Variants in RTN1 observed in about 807,000 individuals in gnomAD.
The protein encoded by RTN1 is reticulon 1.
A neutral mutation model predicts 65.5 loss-of-function variants in RTN1; 25 were observed. The ratio of observed to expected loss-of-function variants is 0.38; its 90% CI spans 0.28 to 0.53. The LOEUF is 0.53. Among genes scored for constraint, RTN1 ranks in the 20% least tolerant of loss-of-function variants. RTN1 has a pLI of 0.79. For missense variants in RTN1, 983 were observed against 1,025.4 expected (o/e 0.96, Z 0.57); for synonymous variants, 471 against 447.6 (o/e 1.05, Z -0.66).
At chr14:59,719,484 G>C (rs1327301204) in intron 3 of RTN1, among the ~76,000 whole-genome samples, 3 of 152,186 alleles carry the variant, frequency 2.0e-5, no homozygotes, top group Non-Finnish European at 1.5e-5. Flanking sequence ...TCTTCCACCA[G>C]AATGTAAGCC....
chr14:59,631,337 C>T (rs1206475915), intron 3 of RTN1, among the ~76,000 whole-genome samples: 2 of 152,144 alleles, frequency 1.3e-5, no homozygotes, highest in African/African-American at 4.8e-5. Context: ...GACTCTGGTA[C>T]GTGGAGTCAT....
intron 3 of RTN1, among the ~76,000 whole-genome samples, chr14:59,691,283 A>T (rs886361564): frequency 3.3e-5 from 5 of 152,208 alleles, no homozygotes; most frequent in African/African-American, 1.2e-4. Flanking sequence ...AATATAACAA[A>T]TCCTCAGAGA....
chr14:59,833,523 T>A (rs955574269), intron 1 of RTN1, among the ~76,000 whole-genome samples: 8 of 152,022 alleles, frequency 5.3e-5, no homozygotes, highest in Admixed American at 6.6e-5. Context: ...TTGAAAAAAA[T>A]TTTTTTTCTT....
chr14:59,624,376 A>G (rs1178297332), intron 3 of RTN1, among the ~76,000 whole-genome samples: 1 of 152,194 alleles, frequency 6.6e-6, no homozygotes, highest in Non-Finnish European at 1.5e-5. Context: ...ATGGCTTTTA[A>G]AGAATCATTA....
intron 1 of RTN1, among the ~76,000 whole-genome samples, chr14:59,763,602 G>A (rs1236870393): frequency 1.4e-5 from 2 of 146,302 alleles, no homozygotes; most frequent in East Asian, 2.0e-4. Flanking sequence ...GCACGATCTC[G>A]GCTCACTGCA....
At chr14:59,606,519 C>T (rs1438953150) in intron 4 of RTN1, among the ~76,000 whole-genome samples, 2 of 152,122 alleles carry the variant, frequency 1.3e-5, no homozygotes, top group Non-Finnish European at 2.9e-5. Context: ...AAAGTGAGGA[C>T]ACAGTGAGGA....
At position 59,617,965 on chromosome 14, in the gene RTN1, T is replaced by C. The variant is rs563909063; in HGVS notation, c.1766-10473A>G. On this transcript the variant is annotated intron_variant, in intron 3 of 8. Coordinates refer to ENST00000267484, the MANE Select transcript of RTN1 (RefSeq NM_021136.3). ...CATCTTCACAGCCTACTCCTTAAGA[T>C]TAAGGTGTTATAAAACCCAAGGGAA... Among the ~76,000 whole-genome samples the C allele has an allele frequency of 2.0e-5, 3 of 152,256 alleles. No individual in the cohort carries two copies. In the South Asian group the frequency reaches 6.2e-4, roughly 32 times the overall value.
intron 3 of RTN1, among the ~76,000 whole-genome samples, chr14:59,613,067 T>C (rs925296361): frequency 6.6e-6 from 1 of 152,250 alleles, no homozygotes; most frequent in Non-Finnish European, 1.5e-5. Flanking sequence ...TCTTGAATTT[T>C]CCTTTCTTTG....
chr14:59,813,081 CA>C (rs1317965529), intron 1 of RTN1, among the ~76,000 whole-genome samples: 1 of 152,116 alleles, frequency 6.6e-6, no homozygotes, highest in Non-Finnish European at 1.5e-5. Flanking sequence ...TAAACACATG[CA>C]CACTCTCCCT....
chr14:59,702,520 G>T (rs1411767327), intron 3 of RTN1, among the ~76,000 whole-genome samples: 1 of 152,046 alleles, frequency 6.6e-6, no homozygotes, highest in Non-Finnish European at 1.5e-5. Context: ...CATTCTCTAG[G>T]GCTGCTGAAA....
intron 3 of RTN1, among the ~76,000 whole-genome samples, chr14:59,618,094 T>C (rs2140173998): frequency 6.6e-6 from 1 of 152,374 alleles, no homozygotes; most frequent in South Asian, 2.1e-4. Context: ...TGTTCATTCC[T>C]GGGTGTAGGC....
intron 1 of RTN1, among the ~76,000 whole-genome samples, chr14:59,808,717 C>G (rs1886678613): frequency 6.6e-6 from 1 of 152,100 alleles, no homozygotes; most frequent in South Asian, 2.1e-4. Context: ...GGGTGGATTT[C>G]TCATAAATAG....
At chr14:59,672,789 C>T (rs1049453035) in intron 3 of RTN1, among the ~76,000 whole-genome samples, 10 of 149,978 alleles carry the variant, frequency 6.7e-5, no homozygotes, top group Non-Finnish European at 8.9e-5. Context: ...TACAGGCGCC[C>T]GCCACCGCGC....
intron 3 of RTN1, among the ~76,000 whole-genome samples, chr14:59,675,066 C>T (rs1566681450): frequency 2.0e-5 from 3 of 151,844 alleles, no homozygotes; most frequent in Admixed American, 6.6e-5. Flanking sequence ...CACACACACA[C>T]ACACACACAC....
In RTN1 at chr14:59,727,085, G is replaced by A; in HGVS notation, c.1599C>T (p.Gly533=). The A allele has an allele frequency of 1.9e-6, 3 of 1,611,778 alleles. No individual in the cohort carries two copies. Among genetic ancestry groups the A allele is most frequent in the East Asian group, 2.2e-5 (1 of 44,788 alleles). The change falls in exon 3 of 9, where the codon GGC becomes GGT. Residue 533 remains glycine, a synonymous_variant. Coordinates refer to ENST00000267484, the MANE Select transcript of RTN1 (RefSeq NM_021136.3). The surrounding 1 kb of genome is among the most constrained non-coding windows in gnomAD (Gnocchi z 4.2). ...CTCCGTCTCCAGGGGGCAGCTCGGG[G>A]CCAGGCTGGGGCTCAGTTGAGGGGT... ...LDYPSTEPQP[G]PELPPGDGAL...
rs1165145887 is a variant in RTN1 at position 59,603,091 on chromosome 14, C to T, written c.2262G>A (p.Arg754=). The change falls in exon 8 of 9, where the codon AGG becomes AGA. Residue 754 remains arginine, a synonymous_variant. Coordinates refer to ENST00000267484, the MANE Select transcript of RTN1 (RefSeq NM_021136.3). ...TTGCCACAACAGCATTTATGTGAGT[C>T]CTCACAAGTCCCAGATATTGGTCAA... ...AQIDQYLGLV[R]THINAVVAKI... 1 of 1,613,288 alleles carries T rather than the reference C, an allele frequency of 6.2e-7. No homozygotes were observed.
In RTN1 at chr14:59,596,499, T is replaced by A. The variant is rs1045373508; in HGVS notation, c.*246A>T. The A allele has an allele frequency of 2.9e-5, 9 of 311,804 alleles. No individual in the cohort carries two copies. Among genetic ancestry groups the A allele is most frequent in the Non-Finnish European group, 5.3e-5 (9 of 169,200 alleles). The allele number at this position is 311,804 out of a possible 1,614,324, so 19.3% of individuals were successfully genotyped here. A position where few individuals can be genotyped will look rare whatever the true frequency, so the allele number is the denominator to read the frequency against. ...GGCTCTCACCATCATGCACTTTTTT[T>A]AGCAACACAAAATTAAAAACCACAT... is the stretch of plus-strand genomic sequence containing the variant. On this transcript the variant is annotated 3_prime_UTR_variant, in exon 9 of 9. Transcript: ENST00000267484.
chr14:59,650,008 T>C lies in RTN1; in HGVS notation c.1766-42516A>G, dbSNP rs1383031841. Among the ~76,000 whole-genome samples, 5 of 152,248 alleles carry C rather than the reference T, an allele frequency of 3.3e-5. No homozygotes were observed. In the East Asian group the frequency reaches 9.6e-4, roughly 29 times the overall value. On this transcript the variant is annotated intron_variant, in intron 3 of 8. Coordinates refer to ENST00000267484, the MANE Select transcript of RTN1 (RefSeq NM_021136.3). ...AAGACTTGGAACCAACCCAAATGCCTGGCAATGATAGGCTGGATAAAGAAA... is the reference window on the plus strand; with the variant it reads ...AAGACTTGGAACCAACCCAAATGCCCGGCAATGATAGGCTGGATAAAGAAA...
intron 1 of RTN1, among the ~76,000 whole-genome samples, chr14:59,812,836 A>G (rs1886753238): frequency 6.6e-6 from 1 of 152,270 alleles, no homozygotes; most frequent in African/African-American, 2.4e-5. Flanking sequence ...ACTGAAATAT[A>G]GCACAATCTT....
Sources: gnomAD v4.1 joint callset for allele counts (sites outside exome capture counted in the v4.1 genomes callset) on GRCh38, gnomAD v4.1.1 for gene constraint, Gnocchi (gnomAD v3.1) non-coding constraint, MANE v1.5 for transcripts, NCBI Gene and HGNC (gene_info 2026-07-23, HGNC 2026-07-21) for gene names.